The following POLH variants were observed in gnomAD, a reference collection of about 807,000 sequenced individuals.
POLH encodes DNA polymerase eta.
Under a neutral mutation model 73.6 loss-of-function variants are expected in POLH, and 53 were observed. The ratio of observed to expected loss-of-function variants is 0.72; its 90% confidence interval spans 0.58 to 0.91. The LOEUF (loss-of-function observed/expected upper bound fraction) is 0.91. POLH is among the 40% of genes least tolerant of loss of function. The pLI is 0.00. For synonymous variants in POLH, 292 were observed against 308.5 expected, an observed-to-expected ratio of 0.95 and a Z score of 0.56; for missense variants, 768 against 865.4, an observed-to-expected ratio of 0.89 and a Z score of 1.41.
At chr6:43,605,169 G>C in intron 8 of POLH, 85 bp from the exon 9 acceptor site, 1 of 809,350 alleles carries the variant, frequency 1.2e-6, no homozygotes, top group Non-Finnish European at 2.1e-6. Flanking sequence ...CTGTTTGGGA[G>C]AAAAAAAAGA....
At chr6:43,608,182 G>C (rs187976334) in intron 9 of POLH, among the ~76,000 whole-genome samples, 1 of 152,106 alleles carries the variant, frequency 6.6e-6, no homozygotes, top group Non-Finnish European at 1.5e-5. Flanking sequence ...AAATTGGGTT[G>C]TCTCTTTATT....
rs1388419239 is a variant in POLH at position 43,619,507 on chromosome 6, G to T, written c.*4950G>T. On this transcript the variant is annotated 3_prime_UTR_variant, in exon 11 of 11. Transcript: ENST00000372236. ...TGATAGGTGCTGATACTCATTGGAT[G>T]AATGTATATAGTGAAGAATTTTAGA... 6.6e-6 allele frequency among the ~76,000 whole-genome samples: 1 copy of T among 151,406 alleles called. No homozygotes were observed. The highest frequency in any genetic ancestry group is 1.5e-5 in the Non-Finnish European group (1 of 67,910).
At chr6:43,601,837 C>A (rs1006585199) in intron 6 of POLH, among the ~76,000 whole-genome samples, 3 of 152,136 alleles carry the variant, frequency 2.0e-5, no homozygotes, top group African/African-American at 7.2e-5. Flanking sequence ...GCAGGTGGAT[C>A]ACCTGAAGTC....
At position 43,614,506 on chromosome 6, in the gene POLH, G is replaced by A. The variant is rs1768196597; in HGVS notation, c.2091G>A (p.Arg697=). 1 of 1,614,026 alleles carries A rather than the reference G, an allele frequency of 6.2e-7. No individual in the cohort carries two copies. The highest frequency in any genetic ancestry group is 8.5e-7 in the Non-Finnish European group (1 of 1,180,034). ...TGGCCTGCACTAATAAACGCCCCAG[G>A]CCTGAGGGCATGCAAACATTGGAAT... ...SPLACTNKRP[R]PEGMQTLESF... Residue 697 remains arginine, a synonymous_variant, in exon 11 of 11, where the codon AGG becomes AGA. Transcript: ENST00000372236.
At chr6:43,599,396 T>C (rs1467784100) in intron 5 of POLH, among the ~76,000 whole-genome samples, 1 of 152,202 alleles carries the variant, frequency 6.6e-6, no homozygotes, top group African/African-American at 2.4e-5. Flanking sequence ...AATAATACAA[T>C]TTTATTAATT....
chr6:43,605,446 T>A, intron 9 of POLH, 127 bp downstream of exon 9: 34 of 309,148 alleles, frequency 1.1e-4, no homozygotes, highest in East Asian at 1.7e-4. Flanking sequence ...TTTCTTTCTT[T>A]TTTTTTTTTT....
chr6:43,614,260 G>A lies in POLH; in HGVS notation c.1845G>A (p.Glu615=), dbSNP rs1768176318. The A allele has an allele frequency of 6.2e-7, 1 of 1,602,142 alleles. No homozygotes were observed. ...CTTCAGCTTCCAAATCTGTGCTGGA[G>A]GTGACTCAGAAAGCAACCCCAAATC... ...HASSASKSVL[E]VTQKATPNPS... is the part of the protein sequence containing the mutation. Residue 615 remains glutamate, a synonymous_variant, in exon 11 of 11, where the codon GAG becomes GAA. Transcript: ENST00000372236.
chr6:43,583,228 C>CA, intron 3 of POLH, 87 bp downstream of exon 3: 1 of 1,250,364 alleles, frequency 8.0e-7, no homozygotes, highest in Non-Finnish European at 1.1e-6. Flanking sequence ...GAATTTGTTC[C>CA]ATGTAAATAA....
At chr6:43,610,964 C>T (rs1181647788) in intron 10 of POLH, among the ~76,000 whole-genome samples, 3 of 152,140 alleles carry the variant, frequency 2.0e-5, no homozygotes, top group Non-Finnish European at 1.5e-5. Flanking sequence ...CAGTGGCTCA[C>T]GCCTGTAATC....
intron 1 of POLH, among the ~76,000 whole-genome samples, chr6:43,578,621 A>G (rs1050198687): frequency 6.6e-6 from 1 of 152,202 alleles, no homozygotes; most frequent in Non-Finnish European, 1.5e-5. Flanking sequence ...TAATATGCCA[A>G]TGTTCATTTT....
At chr6:43,597,595 A>T in intron 4 of POLH, 101 bp from the exon 5 acceptor site, 1 of 1,139,796 alleles carries the variant, frequency 8.8e-7, no homozygotes, top group Non-Finnish European at 1.3e-6. Flanking sequence ...GTGAAAACTT[A>T]TATGTCTAAA....
Position 43,620,402 on chromosome 6 carries a change from G to A in POLH, c.*5845G>A, listed in dbSNP as rs1582336929. On this transcript the variant is annotated 3_prime_UTR_variant, in exon 11 of 11. Coordinates refer to ENST00000372236, the MANE Select transcript of POLH (RefSeq NM_006502.3). The stretch of plus-strand genomic sequence containing the variant: ...GGGCTCTTTCCACATTCAGGGCTCA[G>A]CAGTGTTGGGGTTTCACTTGTCTCT... The A allele has an allele frequency of 6.4e-6, 3 of 467,342 alleles. No individual in the cohort carries two copies. The highest frequency in any genetic ancestry group is 5.7e-5 in the East Asian group (1 of 17,512). The allele number at this position is 467,342 out of a possible 1,614,324, so 28.9% of individuals were successfully genotyped here.
intron 1 of POLH, among the ~76,000 whole-genome samples, chr6:43,581,498 C>T (rs1214912959): frequency 7.1e-4 from 105 of 148,066 alleles, no homozygotes; most frequent in African/African-American, 2.5e-3. Context: ...GGGTGGCGGC[C>T]GGGCAGAGGC....
chr6:43,580,980 G>A (rs1301214514), intron 1 of POLH, among the ~76,000 whole-genome samples: 535 of 130,344 alleles, frequency 4.1e-3, no homozygotes, highest in African/African-American at 0.01. Context: ...GCGGCTGGCC[G>A]GGCGGGGGGC....
intron 3 of POLH, among the ~76,000 whole-genome samples, chr6:43,585,086 G>A (rs1270711026): frequency 6.6e-6 from 1 of 152,178 alleles, no homozygotes; most frequent in Non-Finnish European, 1.5e-5. Context: ...TTGAGCCCAG[G>A]AGATTGTGGT....
intron 9 of POLH, among the ~76,000 whole-genome samples, chr6:43,610,056 CTTTTTTTTTTTT>C (rs1297780442): frequency 1.0e-5 from 1 of 98,496 alleles, no homozygotes; most frequent in Non-Finnish European, 2.0e-5. Context: ...TATATAGATT[CTTTTTTTTTTTT>C]TTTTTTTTTT....
intron 4 of POLH, among the ~76,000 whole-genome samples, chr6:43,594,699 T>A (rs1158235685): frequency 2.0e-5 from 3 of 152,134 alleles, no homozygotes; most frequent in East Asian, 1.9e-4. Context: ...TCAAAAAAAA[T>A]AAAAAATAAT....
chr6:43,594,274 C>T (rs927435654), intron 4 of POLH, among the ~76,000 whole-genome samples: 10 of 152,012 alleles, frequency 6.6e-5, no homozygotes, highest in Admixed American at 2.0e-4. Context: ...TTTCCCAAAG[C>T]TAATATATAC....
At position 43,615,983 on chromosome 6, in the gene POLH, A is replaced by G. The variant is rs914450856; in HGVS notation, c.*1426A>G. The stretch of plus-strand genomic sequence containing the variant: ...CACCGATCCTGGCCCCCCCAAAAAA[A>G]GGATTTTAAGAAAAACTTCTCTTGG... On this transcript the variant is annotated 3_prime_UTR_variant, in exon 11 of 11. Transcript: ENST00000372236. Among the ~76,000 whole-genome samples, 13 of 151,842 alleles carry G rather than the reference A, an allele frequency of 8.6e-5. No homozygotes were observed. Among genetic ancestry groups the G allele is most frequent in the African/African-American group, 3.1e-4 (13 of 41,408 alleles).
Sources: allele counts gnomAD v4.1 joint callset (sites outside exome capture counted in the v4.1 genomes callset), GRCh38; gene constraint gnomAD v4.1.1; transcripts MANE v1.5; gene names NCBI Gene and HGNC (gene_info 2026-07-23, HGNC 2026-07-21).